UFSP2: variants seen among roughly 807,000 people sequenced by gnomAD.
UFSP2 encodes UFM1 specific peptidase 2.
Under a neutral mutation model 60.2 loss-of-function variants are expected in UFSP2, and 43 were observed. That is an observed-to-expected ratio of 0.71 (90% CI 0.56 to 0.92). The LOEUF is 0.92. UFSP2 is among the 40% of genes least tolerant of loss of function. The pLI is 0.00. For synonymous variants in UFSP2, 183 were observed against 195.1 expected, an observed-to-expected ratio of 0.94 and a Z score of 0.52; for missense variants, 520 against 575.0, an observed-to-expected ratio of 0.90 and a Z score of 0.98.
At chr4:185,405,492 C>T (rs779835632) in intron 10 of UFSP2, among the ~76,000 whole-genome samples, 17 of 152,206 alleles carry the variant, frequency 1.1e-4, no homozygotes, top group Non-Finnish European at 1.9e-4. Context: ...ACTTACGAAG[C>T]TCAGCTGAGT....
chr4:185,415,352 G>C lies in UFSP2; in HGVS notation c.492-5C>G. The C allele has an allele frequency of 1.3e-6, 2 of 1,565,232 alleles. No homozygotes were observed. Among genetic ancestry groups the C allele is most frequent in the Non-Finnish European group, 1.7e-6 (2 of 1,164,840 alleles). On this transcript the variant is annotated splice_polypyrimidine_tract_variant and splice_region_variant and intron_variant, in intron 5 of 11. Coordinates refer to ENST00000264689, the MANE Select transcript of UFSP2 (RefSeq NM_018359.5). Reference sequence around the variant, plus strand: ...TCAACCAGGAGTTTACGAACTCTGTGGGGGGAAATATATAAGTGTATTAAC... The same window carrying C: ...TCAACCAGGAGTTTACGAACTCTGTCGGGGGAAATATATAAGTGTATTAAC...
intron 4 of UFSP2, 71 bp from the exon 5 acceptor site, chr4:185,415,938 CTT>C: frequency 7.7e-7 from 1 of 1,299,946 alleles, no homozygotes; most frequent in Non-Finnish European, 1.0e-6. Flanking sequence ...AGTAAAAAGA[CTT>C]TTCAAAAATG....
Position 185,408,380 on chromosome 4 carries a change from T to C in UFSP2, c.887A>G (p.Asp296Gly). ...GYHHYMQDRI[D>G]DNGWGCAYRS... ...ATAAGCACAGCCCCAGCCATTGTCA[T>C]CTATGCGATCCTGCATATAATGATG... The change falls in exon 8 of 12, where the codon GAT becomes GGT. Residue 296 changes from aspartate to glycine, a missense_variant. Asp to Gly is a moderately conservative substitution (Grantham distance 94). Coordinates refer to ENST00000264689, the MANE Select transcript of UFSP2 (RefSeq NM_018359.5). 4 of 1,614,200 alleles carry C rather than the reference T, an allele frequency of 2.5e-6. No individual in the cohort carries two copies. Among genetic ancestry groups the C allele is most frequent in the Non-Finnish European group, 3.4e-6 (4 of 1,180,026 alleles).
At chr4:185,401,778 T>C (rs1232510944) in intron 11 of UFSP2, among the ~76,000 whole-genome samples, 1 of 152,220 alleles carries the variant, frequency 6.6e-6, no homozygotes, top group Non-Finnish European at 1.5e-5. Context: ...GAGATTGCAA[T>C]TCTCAGAGAA....
chr4:185,415,623 C>T, intron 5 of UFSP2, 87 bp downstream of exon 5: 3 of 1,202,118 alleles, frequency 2.5e-6, no homozygotes, highest in Non-Finnish European at 2.3e-6. Flanking sequence ...GAAAATCACA[C>T]CTTAGGTATA....
intron 8 of UFSP2, 53 bp from the exon 9 acceptor site, chr4:185,408,113 C>T (rs915729088): frequency 2.8e-5 from 45 of 1,589,938 alleles, no homozygotes; most frequent in South Asian, 2.8e-4. Context: ...CTATTAAAAA[C>T]GATGTTTAGG....
intron 5 of UFSP2, 147 bp downstream of exon 5, chr4:185,415,563 A>G: frequency 2.4e-6 from 2 of 835,120 alleles, no homozygotes; most frequent in Non-Finnish European, 3.5e-6. Context: ...TACTTCCTCC[A>G]AATAACCATT....
chr4:185,400,513 C>T (rs1215245848), intron 11 of UFSP2, 35 bp from the exon 12 acceptor site: 5 of 1,509,272 alleles, frequency 3.3e-6, no homozygotes, highest in Non-Finnish European at 4.6e-6. Context: ...AAGCCTTTTA[C>T]AAAGTTACAA....
At chr4:185,407,538 G>T (rs1470028677) in intron 9 of UFSP2, among the ~76,000 whole-genome samples, 1 of 152,044 alleles carries the variant, frequency 6.6e-6, no homozygotes, top group African/African-American at 2.4e-5. Flanking sequence ...AAGAAAAAGA[G>T]CAGGAGGTAA....
intron 10 of UFSP2, among the ~76,000 whole-genome samples, chr4:185,404,351 G>A (rs1438914579): frequency 1.4e-5 from 2 of 139,806 alleles, no homozygotes; most frequent in Non-Finnish European, 3.0e-5. Flanking sequence ...GCTGGAGTGC[G>A]ATAGCGTGAC....
intron 11 of UFSP2, among the ~76,000 whole-genome samples, chr4:185,401,073 G>A (rs2095512637): frequency 1.3e-5 from 2 of 152,262 alleles, no homozygotes; most frequent in South Asian, 2.1e-4. Flanking sequence ...GGGCCACTGA[G>A]TTATTTTATT....
At chr4:185,413,931 C>A in intron 6 of UFSP2, 59 bp from the exon 7 acceptor site, 2 of 1,440,502 alleles carry the variant, frequency 1.4e-6, no homozygotes, top group South Asian at 1.4e-5. Context: ...GATTCCTAGT[C>A]AATAAATAAA....
intron 1 of UFSP2, among the ~76,000 whole-genome samples, chr4:185,424,058 T>G (rs2095554405): frequency 6.6e-6 from 1 of 151,292 alleles, no homozygotes; most frequent in African/African-American, 2.4e-5. Context: ...CCCAACACTT[T>G]GGGAGGCAGA....
In UFSP2 at chr4:185,415,877, T is replaced by A. The variant is rs1422507860; in HGVS notation, c.334-10A>T. 6.2e-7 allele frequency: 1 copy of A among 1,600,608 alleles called. No individual in the cohort carries two copies. The highest frequency in any genetic ancestry group is 1.3e-5 in the African/African-American group (1 of 74,364). ...TATTTACTATTTGATGCTATATAGA[T>A]AAACAGTAATAGTCAACTTGTAGTG... On this transcript the variant is annotated splice_polypyrimidine_tract_variant and intron_variant, in intron 4 of 11. Coordinates refer to ENST00000264689, the MANE Select transcript of UFSP2 (RefSeq NM_018359.5).
chr4:185,425,635 G>C (rs888948354), intron 1 of UFSP2, among the ~76,000 whole-genome samples: 3 of 152,248 alleles, frequency 2.0e-5, no homozygotes, highest in Non-Finnish European at 2.9e-5. Flanking sequence ...GAAGTAGCAG[G>C]GGGTGCGTGT....
rs536815271 is a variant in UFSP2, at chr4:185,400,197, T to C, written c.*195A>G. 4.9e-5 allele frequency: 34 copies of C among 700,012 alleles called. No individual in the cohort carries two copies. In the Admixed American group the frequency reaches 4.9e-4, roughly 10 times the overall value. 43.4% of individuals were successfully genotyped at this position (700,012 alleles called of 1,614,324 possible). A position where few individuals can be genotyped will look rare whatever the true frequency, so the allele number is the denominator to read the frequency against. ...ATTTACATGCCTATAATATGCTGGTTGTGTATGCTTTGTCTTTTAAGTTAT... is the reference window on the plus strand; with the variant it reads ...ATTTACATGCCTATAATATGCTGGTCGTGTATGCTTTGTCTTTTAAGTTAT... On this transcript the variant is annotated 3_prime_UTR_variant, in exon 12 of 12. Coordinates refer to ENST00000264689, the MANE Select transcript of UFSP2 (RefSeq NM_018359.5).
At chr4:185,418,319 C>A in intron 4 of UFSP2, 122 bp downstream of exon 4, 2 of 713,022 alleles carry the variant, frequency 2.8e-6, no homozygotes, top group South Asian at 2.5e-5. Flanking sequence ...GTCATTTAAT[C>A]TTTTTGGACA....
At chr4:185,407,811 G>A (rs1409314664) in intron 9 of UFSP2, 125 bp downstream of exon 9, 6 of 1,065,028 alleles carry the variant, frequency 5.6e-6, no homozygotes. Context: ...AAAGCAATGA[G>A]TAATAAGGAA....
At chr4:185,422,114 A>G (rs1250527024) in intron 2 of UFSP2, among the ~76,000 whole-genome samples, 1 of 152,204 alleles carries the variant, frequency 6.6e-6, no homozygotes, top group African/African-American at 2.4e-5. Flanking sequence ...CATATAATGT[A>G]GTATTTAAGA....
Sources: gnomAD v4.1 joint callset for allele counts (sites outside exome capture counted in the v4.1 genomes callset) on GRCh38, gnomAD v4.1.1 for gene constraint, MANE v1.5 for transcripts, NCBI Gene and HGNC (gene_info 2026-07-23, HGNC 2026-07-21) for gene names.